Variants in CHRNB3 observed in about 807,000 individuals in gnomAD.
CHRNB3 encodes the protein cholinergic receptor nicotinic beta 3 subunit.
Under a neutral mutation model 40.6 loss-of-function variants are expected in CHRNB3, and 37 were observed. That is an observed-to-expected ratio of 0.91 (90% confidence interval 0.70 to 1.20). CHRNB3 has a LOEUF of 1.20. Ranked by LOEUF, CHRNB3 falls within the 50% of genes most tolerant of loss-of-function variation. The pLI is 0.00. For synonymous variants in CHRNB3, 207 were observed against 207.1 expected (o/e 1.00, Z 0.00); for missense variants, 505 against 551.2 (o/e 0.92, Z 0.84).
intron 1 of CHRNB3, among the ~76,000 whole-genome samples, chr8:42,700,229 A>C (rs901046774): frequency 2.0e-5 from 3 of 151,714 alleles, no homozygotes; most frequent in Non-Finnish European, 4.4e-5. Flanking sequence ...GTTAGCCAGG[A>C]TGGTCTCAAT....
At chr8:42,722,131 T>C (rs942865074) in intron 3 of CHRNB3, among the ~76,000 whole-genome samples, 5 of 152,036 alleles carry the variant, frequency 3.3e-5, no homozygotes, top group African/African-American at 1.2e-4. Flanking sequence ...CCTAGCACTT[T>C]GGGAAGCCGA....
chr8:42,705,650 A>C (rs1429826762), intron 1 of CHRNB3: 1 of 152,240 alleles, frequency 6.6e-6, no homozygotes, highest in Non-Finnish European at 1.5e-5. Context: ...TAAATTCCTC[A>C]GGTTGTGGTA....
rs757550427 is a variant in CHRNB3, at chr8:42,731,983, TC to T, written c.678del (p.Phe227SerfsTer3). On this transcript the variant is annotated frameshift_variant, in exon 5 of 6. Coordinates refer to ENST00000289957, the MANE Select transcript of CHRNB3 (RefSeq NM_000749.5). LOFTEE classifies it high-confidence loss of function. ...GTACTCCTATCCCTTTATCACGTATTCCTTCGTCCTGAGACGCCTGCCTTTA... is the reference window on the plus strand; with the variant it reads ...GTACTCCTATCCCTTTATCACGTATTCTTCGTCCTGAGACGCCTGCCTTTA... ...GVYSYPFITY[S>X]FVLRRLPLFY... 1 of 1,614,086 alleles carries T rather than the reference TC, an allele frequency of 6.2e-7. No individual in the cohort carries two copies.
intron 3 of CHRNB3, among the ~76,000 whole-genome samples, chr8:42,720,111 CTTTTTTTTTT>C (rs869178430): frequency 2.5e-4 from 12 of 48,808 alleles, no homozygotes; most frequent in East Asian, 7.2e-4. Flanking sequence ...CAGAAGCCTT[CTTTTTTTTTT>C]TTTTTTTTTT....
intron 1 of CHRNB3, among the ~76,000 whole-genome samples, chr8:42,701,880 C>T (rs1815811470): frequency 6.6e-6 from 1 of 152,196 alleles, no homozygotes. Context: ...TTCATAGACA[C>T]AAAGACCCTA....
intron 3 of CHRNB3, among the ~76,000 whole-genome samples, chr8:42,726,922 G>T (rs1306330149): frequency 6.6e-6 from 1 of 152,132 alleles, no homozygotes; most frequent in African/African-American, 2.4e-5. Context: ...TGGGCCAGGA[G>T]AATCTATATT....
chr8:42,712,859 CTTTT>C (rs567650103), intron 3 of CHRNB3, among the ~76,000 whole-genome samples: 2 of 114,750 alleles, frequency 1.7e-5, no homozygotes, highest in Non-Finnish European at 3.5e-5. Context: ...CCACTGCTCT[CTTTT>C]TTTTTTTTTT....
At position 42,724,619 on chromosome 8, in the gene CHRNB3, A is replaced by G. The variant is rs529646653; in HGVS notation, c.250-5975A>G. On this transcript the variant is annotated intron_variant, in intron 3 of 5. Coordinates refer to ENST00000289957, the MANE Select transcript of CHRNB3 (RefSeq NM_000749.5). ...CATTAAACTCTAGGATAGAAGATGC[A>G]GCAAAGCAGGACTCCTTCCTCCATG... Among the ~76,000 whole-genome samples, 3 of 152,272 alleles carry G rather than the reference A, an allele frequency of 2.0e-5. No individual in the cohort carries two copies. In the East Asian group the frequency reaches 5.8e-4, roughly 29 times the overall value.
chr8:42,703,537 G>A (rs577885809), intron 1 of CHRNB3, among the ~76,000 whole-genome samples: 1 of 148,750 alleles, frequency 6.7e-6, no homozygotes, highest in East Asian at 2.0e-4. Context: ...ATGGATCTTA[G>A]AATATAGTGA....
chr8:42,701,279 C>T (rs1284886694), intron 1 of CHRNB3, among the ~76,000 whole-genome samples: 2 of 148,646 alleles, frequency 1.3e-5, no homozygotes, highest in African/African-American at 2.5e-5. Flanking sequence ...CAATGGTTCA[C>T]GTCTGTAATC....
At chr8:42,719,413 A>G (rs75691778) in intron 3 of CHRNB3, among the ~76,000 whole-genome samples, 8,697 of 152,220 alleles carry the variant, frequency 0.057, 326 homozygotes, top group Middle Eastern at 0.11. Flanking sequence ...GGGAGGCCAA[A>G]GCAGGAGGAT....
At chr8:42,717,409 G>C (rs1306087598) in intron 3 of CHRNB3, among the ~76,000 whole-genome samples, 2 of 74,266 alleles carry the variant, frequency 2.7e-5, no homozygotes, top group Non-Finnish European at 5.8e-5. Context: ...AAAAAAAGCC[G>C]ACCTGTTGTG....
At chr8:42,723,897 C>A (rs1816261153) in intron 3 of CHRNB3, among the ~76,000 whole-genome samples, 1 of 152,076 alleles carries the variant, frequency 6.6e-6, no homozygotes, top group African/African-American at 2.4e-5. Flanking sequence ...ACCAGCCTGG[C>A]CAAAACGGTG....
chr8:42,734,129 G>A (rs763567280), intron 5 of CHRNB3, among the ~76,000 whole-genome samples: 28 of 149,788 alleles, frequency 1.9e-4, no homozygotes, highest in Non-Finnish European at 3.1e-4. Context: ...GGTGGTGGGA[G>A]CCTGTAGTCC....
intron 3 of CHRNB3, among the ~76,000 whole-genome samples, chr8:42,711,218 G>A (rs947355994): frequency 6.6e-6 from 1 of 152,034 alleles, no homozygotes; most frequent in Non-Finnish European, 1.5e-5. Flanking sequence ...GCTGAGGCAG[G>A]AGAATTGCTT....
At chr8:42,725,656 T>G in intron 3 of CHRNB3, 1 of 1,042,940 alleles carries the variant, frequency 9.6e-7, no homozygotes, top group Non-Finnish European at 1.5e-6. Flanking sequence ...CACTGAGAGG[T>G]GGAAAGGGCA....
chr8:42,710,368 T>G (rs1815994129), intron 2 of CHRNB3, 22 bp from the exon 3 acceptor site: 1 of 1,567,480 alleles, frequency 6.4e-7, no homozygotes, highest in African/African-American at 1.4e-5. Flanking sequence ...TTACAGTATT[T>G]TTTAAATTTT....
At chr8:42,719,909 C>A (rs1816187717) in intron 3 of CHRNB3, among the ~76,000 whole-genome samples, 1 of 151,954 alleles carries the variant, frequency 6.6e-6, no homozygotes, top group Non-Finnish European at 1.5e-5. Context: ...CAGTATTGAC[C>A]ACAAGTCCCA....
At chr8:42,714,975 G>C (rs563800192) in intron 3 of CHRNB3, 1 of 152,022 alleles carries the variant, frequency 6.6e-6, no homozygotes, top group African/African-American at 2.4e-5. Context: ...CTCAGTCTCC[G>C]GAACATCTGA....
Sources: gnomAD v4.1 joint callset for allele counts (sites outside exome capture counted in the v4.1 genomes callset) on GRCh38, gnomAD v4.1.1 for gene constraint, MANE v1.5 for transcripts, NCBI Gene and HGNC (gene_info 2026-07-23, HGNC 2026-07-21) for gene names.